Variants in PARVB observed in about 807,000 individuals in gnomAD.
PARVB encodes parvin beta.
Under a neutral mutation model 47.0 loss-of-function variants are expected in PARVB, and 46 were observed. That is an observed-to-expected ratio of 0.98 (90% CI 0.77 to 1.25). The LOEUF (loss-of-function observed/expected upper bound fraction) is 1.25, where lower values mean the gene tolerates loss of function less well. Among genes scored for constraint, PARVB ranks in the 50% most tolerant of loss-of-function variants. The pLI, the probability that PARVB is intolerant of heterozygous loss-of-function variation, is 0.00. For synonymous variants in PARVB, 196 were observed against 196.3 expected (o/e 1.00, Z 0.01); for missense variants, 473 against 471.6 (o/e 1.00, Z -0.03).
chr22:44,109,006 C>A (rs1304689787), intron 3 of PARVB: 7 of 152,218 alleles, frequency 4.6e-5, no homozygotes, highest in Non-Finnish European at 8.8e-5. Flanking sequence ...GGGGGTGCGT[C>A]TCCCCCCAAG....
intron 8 of PARVB, chr22:44,140,475 G>A: frequency 1.5e-6 from 1 of 646,462 alleles, no homozygotes. Context: ...AAAAGGGAGG[G>A]AGGAGAGGCA....
intron 8 of PARVB, chr22:44,146,215 C>G (rs947414266): frequency 7.1e-6 from 1 of 141,228 alleles, no homozygotes; most frequent in Non-Finnish European, 1.5e-5. Context: ...CGCACACATG[C>G]TCACACATGG....
intron 4 of PARVB, among the ~76,000 whole-genome samples, chr22:44,126,505 C>T (rs779301538): frequency 3.9e-5 from 6 of 152,178 alleles, no homozygotes; most frequent in Admixed American, 6.5e-5. Flanking sequence ...TGGAGGAGCA[C>T]GTGGACCTTT....
intron 4 of PARVB, among the ~76,000 whole-genome samples, chr22:44,122,522 G>GAGAC (rs1569134290): frequency 1.3e-4 from 10 of 78,234 alleles, no homozygotes; most frequent in Admixed American, 1.0e-3. Context: ...GAGAGAGACA[G>GAGAC]AGAGACAGAG....
intron 1 of PARVB, among the ~76,000 whole-genome samples, chr22:44,059,884 G>A (rs562307949): frequency 1.3e-5 from 2 of 152,256 alleles, no homozygotes; most frequent in South Asian, 2.1e-4. Context: ...ATCATGGAAG[G>A]GGGATGTGAG....
chr22:44,126,021 G>C (rs2053178074), intron 4 of PARVB, among the ~76,000 whole-genome samples: 1 of 152,096 alleles, frequency 6.6e-6, no homozygotes, highest in Non-Finnish European at 1.5e-5. Context: ...GAGTAGGGTG[G>C]GAGGTTGGGA....
chr22:44,135,175 G>A (rs2053416028), intron 6 of PARVB, among the ~76,000 whole-genome samples: 1 of 152,146 alleles, frequency 6.6e-6, no homozygotes, highest in African/African-American at 2.4e-5. Context: ...GGTTGGATTA[G>A]CCACCCAGGC....
At chr22:44,154,548 TGTGTGTGTGGTTTATGTAGTCTG>T (rs2053879470) in intron 10 of PARVB, among the ~76,000 whole-genome samples, 2 of 149,550 alleles carry the variant, frequency 1.3e-5, no homozygotes, top group African/African-American at 4.9e-5. Context: ...TGTGTGTGTG[TGTGTGTGTGGTTTATGTAGTCTG>T]GTGTGTGTGT....
intron 11 of PARVB, among the ~76,000 whole-genome samples, chr22:44,163,552 C>G: frequency 6.6e-6 from 1 of 152,184 alleles, no homozygotes; most frequent in Non-Finnish European, 1.5e-5. Flanking sequence ...TGGCTGGCAT[C>G]TGGGGCAGAG....
intron 2 of PARVB, among the ~76,000 whole-genome samples, chr22:44,006,051 T>TCC (rs1284914751): frequency 1.3e-5 from 2 of 152,208 alleles, no homozygotes; most frequent in Non-Finnish European, 2.9e-5. Context: ...CAAGGGATCC[T>TCC]CCCACCTCAG....
intron 3 of PARVB, chr22:44,115,989 A>G (rs901328430): frequency 3.3e-5 from 5 of 152,452 alleles, no homozygotes; most frequent in Non-Finnish European, 7.3e-5. Flanking sequence ...CTGCACCAAC[A>G]CGGATACATC....
intron 3 of PARVB, chr22:44,110,578 A>T (rs1335306665): frequency 6.6e-6 from 1 of 151,982 alleles, no homozygotes; most frequent in African/African-American, 2.4e-5. Flanking sequence ...TTGAATTTAC[A>T]TATGCATTTT....
In PARVB at chr22:44,089,783, G is replaced by C. The variant is rs962348167; in HGVS notation, c.113-4145G>C. On this transcript the variant is annotated intron_variant, in intron 1 of 12. Transcript: ENST00000338758. This position sits in a 1 kb window ranked among gnomAD's most constrained non-coding sequence, Gnocchi z 4.0. ...GCAAAATATAGCAAGGCCCAGAAGG[G>C]CATCCCTCAAACCTTCATGGGGTTC... Among the ~76,000 whole-genome samples the C allele has an allele frequency of 6.6e-6, 1 of 152,198 alleles. No homozygotes were observed. Among genetic ancestry groups the C allele is most frequent in the Non-Finnish European group, 1.5e-5 (1 of 68,036 alleles).
At chr22:43,999,305 G>T (rs759852501) in exon 1 of PARVB, 1 of 1,501,634 alleles carries the variant, frequency 6.7e-7, no homozygotes, top group Non-Finnish European at 9.0e-7. Context: ...TTAAAGACCA[G>T]ATAAATTTAC....
intron 2 of PARVB, among the ~76,000 whole-genome samples, chr22:44,016,570 C>T (rs2050585723): frequency 6.6e-6 from 1 of 152,188 alleles, no homozygotes; most frequent in Admixed American, 6.5e-5. Flanking sequence ...GCTTATGTTT[C>T]ATATACACCT....
chr22:44,161,773 C>T (rs969377738), intron 11 of PARVB, among the ~76,000 whole-genome samples: 4 of 152,218 alleles, frequency 2.6e-5, no homozygotes, highest in Admixed American at 1.3e-4. Context: ...ACCCGCAGGT[C>T]GCTCCCTGCT....
intron 1 of PARVB, among the ~76,000 whole-genome samples, chr22:44,087,373 C>A (rs1250967869): frequency 6.6e-6 from 1 of 152,190 alleles, no homozygotes; most frequent in Non-Finnish European, 1.5e-5. Flanking sequence ...TGCTCTGGCC[C>A]CCCAGGACCT....
At chr22:44,053,327 C>T (rs1385439221) in intron 1 of PARVB, among the ~76,000 whole-genome samples, 2 of 152,132 alleles carry the variant, frequency 1.3e-5, no homozygotes, top group African/African-American at 4.8e-5. Flanking sequence ...CATGATCCGC[C>T]CTCCTTGGCT....
At chr22:44,032,669 T>C (rs1569063688) in intron 1 of PARVB, among the ~76,000 whole-genome samples, 1 of 152,044 alleles carries the variant, frequency 6.6e-6, no homozygotes, top group Admixed American at 6.6e-5. Flanking sequence ...CAGAATTCGT[T>C]ATGGATGAAT....
Sources: allele counts gnomAD v4.1 joint callset (sites outside exome capture counted in the v4.1 genomes callset), GRCh38; gene constraint gnomAD v4.1.1; non-coding constraint Gnocchi (gnomAD v3.1); transcripts MANE v1.5; gene names NCBI Gene and HGNC (gene_info 2026-07-23, HGNC 2026-07-21).